Variants in TCF12 observed in about 807,000 individuals in gnomAD.
TCF12 encodes transcription factor 12, also known as DNA-binding protein HTF4.
TCF12 carries 45 observed loss-of-function variants against 86.0 expected under a neutral mutation model. That is an observed-to-expected ratio of 0.52 (90% CI 0.41 to 0.67). The LOEUF (loss-of-function observed/expected upper bound fraction) is 0.67. Among genes scored for constraint, TCF12 ranks in the 30% least tolerant of loss-of-function variants. TCF12 has a pLI of 0.00. For synonymous variants in TCF12, 330 were observed against 299.6 expected, an observed-to-expected ratio of 1.10 and a Z score of -1.05; for missense variants, 881 against 859.9, an observed-to-expected ratio of 1.02 and a Z score of -0.31.
At chr15:56,981,403 C>T (rs2062884092) in intron 3 of TCF12, among the ~76,000 whole-genome samples, 1 of 152,152 alleles carries the variant, frequency 6.6e-6, no homozygotes, top group Non-Finnish European at 1.5e-5. Context: ...GATGGAAGAG[C>T]AGAAGCAAGA....
intron 5 of TCF12, among the ~76,000 whole-genome samples, chr15:57,151,455 G>A (rs74341080): frequency 0.013 from 1,961 of 152,146 alleles, 48 homozygotes; most frequent in African/African-American, 0.041. Flanking sequence ...TCTATCTAGG[G>A]TGTGGAAAAC....
intron 3 of TCF12, among the ~76,000 whole-genome samples, chr15:56,995,169 T>C (rs1264621547): frequency 1.4e-5 from 2 of 147,558 alleles, no homozygotes; most frequent in African/African-American, 4.9e-5. Context: ...TATTCAAATA[T>C]CATGCTGTTT....
chr15:56,982,438 G>T (rs2062939633), intron 3 of TCF12, among the ~76,000 whole-genome samples: 1 of 152,012 alleles, frequency 6.6e-6, no homozygotes, highest in Admixed American at 6.6e-5. Context: ...ATACAGATTT[G>T]CAGAAAAATC....
At chr15:56,933,999 A>G (rs1281589108) in intron 3 of TCF12, among the ~76,000 whole-genome samples, 2 of 152,148 alleles carry the variant, frequency 1.3e-5, no homozygotes, top group Non-Finnish European at 2.9e-5. Context: ...AGAATCTCTT[A>G]TAAATTCATC....
chr15:57,056,560 A>G (rs1278850683), intron 3 of TCF12, among the ~76,000 whole-genome samples: 1 of 152,150 alleles, frequency 6.6e-6, no homozygotes, highest in East Asian at 1.9e-4. Flanking sequence ...CCGGGCTCCA[A>G]TCAATCCTCC....
chr15:57,236,110 A>G (rs1387575814), intron 12 of TCF12, among the ~76,000 whole-genome samples: 3 of 152,130 alleles, frequency 2.0e-5, no homozygotes, highest in African/African-American at 7.2e-5. Context: ...TCATTCCATA[A>G]ATCATTTCTG....
At chr15:57,205,448 TTAGAA>T (rs1308877166) in intron 8 of TCF12, among the ~76,000 whole-genome samples, 4 of 152,140 alleles carry the variant, frequency 2.6e-5, no homozygotes, top group Non-Finnish European at 5.9e-5. Context: ...TGAACATGAG[TTAGAA>T]TAGGTATTTG....
chr15:56,953,745 G>T (rs2061379939), intron 3 of TCF12, among the ~76,000 whole-genome samples: 1 of 151,134 alleles, frequency 6.6e-6, no homozygotes, highest in African/African-American at 2.4e-5. Context: ...TTTAGTATCT[G>T]TAAAATCTGT....
intron 5 of TCF12, among the ~76,000 whole-genome samples, chr15:57,102,761 ATTAG>A (rs754578549): frequency 1.6e-4 from 25 of 152,174 alleles, no homozygotes; most frequent in Non-Finnish European, 3.4e-4. Flanking sequence ...ATGGTAAGTT[ATTAG>A]TTAGGTGAGT....
rs768071249 is a variant in TCF12, at chr15:57,197,842, T to G, written c.579+17T>G. ...CCTTCTTCTGTAAGTACCTATCTTT[T>G]TTTAACTTGATGGTAAACAAACTGA... On this transcript the variant is annotated intron_variant, in intron 8 of 20. Transcript: ENST00000333725. 6.2e-7 allele frequency: 1 copy of G among 1,612,916 alleles called. No individual in the cohort carries two copies. Among genetic ancestry groups the G allele is most frequent in the Non-Finnish European group, 8.5e-7 (1 of 1,179,584 alleles).
At chr15:57,088,916 C>T (rs754441885) in intron 4 of TCF12, among the ~76,000 whole-genome samples, 6 of 151,766 alleles carry the variant, frequency 4.0e-5, no homozygotes, top group Non-Finnish European at 7.4e-5. Context: ...TTGTGATAAT[C>T]GTATTTAAAT....
intron 3 of TCF12, among the ~76,000 whole-genome samples, chr15:57,041,665 A>G (rs2066902895): frequency 6.6e-6 from 1 of 152,198 alleles, no homozygotes; most frequent in African/African-American, 2.4e-5. Context: ...GCTAGTTTGC[A>G]GGCATCTCAT....
intron 5 of TCF12, 116 bp downstream of exon 5, chr15:57,092,007 T>A: frequency 1.4e-6 from 1 of 704,150 alleles, no homozygotes; most frequent in Non-Finnish European, 2.4e-6. Flanking sequence ...CTTGAGTTTC[T>A]AGGGGCATCT....
At chr15:57,282,814 G>A (rs1211641370) in intron 20 of TCF12, among the ~76,000 whole-genome samples, 1 of 152,202 alleles carries the variant, frequency 6.6e-6, no homozygotes, top group African/African-American at 2.4e-5. Context: ...AAGTGTGGCA[G>A]TATCTTGTGA....
At chr15:57,268,837 T>C (rs1702193653) in intron 18 of TCF12, among the ~76,000 whole-genome samples, 1 of 152,086 alleles carries the variant, frequency 6.6e-6, no homozygotes, top group Non-Finnish European at 1.5e-5. Flanking sequence ...TTACTTCTTT[T>C]TTTTTTTTCC....
intron 3 of TCF12, among the ~76,000 whole-genome samples, chr15:56,946,031 A>G (rs1337628640): frequency 1.3e-5 from 2 of 152,050 alleles, no homozygotes; most frequent in Non-Finnish European, 2.9e-5. Context: ...GTGATAAGAC[A>G]TTTCTTTTCT....
At chr15:57,177,551 G>A (rs1298578510) in intron 6 of TCF12, among the ~76,000 whole-genome samples, 3 of 148,400 alleles carry the variant, frequency 2.0e-5, no homozygotes, top group East Asian at 2.0e-4. Flanking sequence ...GATTACAGGC[G>A]TGAGCCACTG....
chr15:57,158,892 C>T (rs992737995), intron 5 of TCF12, among the ~76,000 whole-genome samples: 18 of 152,168 alleles, frequency 1.2e-4, no homozygotes, highest in Non-Finnish European at 1.3e-4. Context: ...TTCACTGTAG[C>T]CAGCAGTGTG....
rs148070842 is a variant in TCF12 at position 56,951,184 on chromosome 15, G to C, written c.148+30086G>C. On this transcript the variant is annotated intron_variant, in intron 3 of 20. Coordinates refer to ENST00000333725, the MANE Select transcript of TCF12 (RefSeq NM_207037.2). ...CCACTTATAGTGTATGAGAATTTCAGTTCCTCTATATACTTTCTAATGGTT... is the reference window on the plus strand; with the variant it reads ...CCACTTATAGTGTATGAGAATTTCACTTCCTCTATATACTTTCTAATGGTT... Among the ~76,000 whole-genome samples, 681 of 152,162 alleles carry C rather than the reference G, an allele frequency of 4.5e-3. 8 individuals carry two copies. Among genetic ancestry groups the C allele is most frequent in the Admixed American group, 0.021 (325 of 15,272 alleles).
Sources: allele counts gnomAD v4.1 joint callset (sites outside exome capture counted in the v4.1 genomes callset), GRCh38; gene constraint gnomAD v4.1.1; transcripts MANE v1.5; gene names NCBI Gene and HGNC (gene_info 2026-07-23, HGNC 2026-07-21).